The following EPHA4 variants were observed in gnomAD, a reference collection of about 807,000 sequenced individuals.
The protein encoded by EPHA4 is EPH receptor A4, also known as ephrin type-A receptor 4.
In EPHA4, 19 loss-of-function variants were observed where a neutral mutation model predicts 108.3. The ratio of observed to expected loss-of-function variants is 0.18; its 90% CI spans 0.12 to 0.26. The LOEUF (loss-of-function observed/expected upper bound fraction) is 0.26. Among genes scored for constraint, EPHA4 ranks in the 10% least tolerant of loss-of-function variants. The pLI, the probability that EPHA4 is intolerant of heterozygous loss-of-function variation, is 1.00. For missense variants in EPHA4, 917 were observed against 1,254.0 expected (o/e 0.73, Z 4.06); for synonymous variants, 449 against 455.5 (o/e 0.99, Z 0.18).
At chr2:221,504,118 C>A (rs578139258) in intron 3 of EPHA4, among the ~76,000 whole-genome samples, 1 of 152,318 alleles carries the variant, frequency 6.6e-6, no homozygotes, top group East Asian at 1.9e-4. Context: ...AACTGCTATG[C>A]TGTATTTTTG....
At chr2:221,573,829 G>C (rs1483127012), upstream of EPHA4, 1 of 152,268 alleles carries the variant, frequency 6.6e-6, no homozygotes, top group Non-Finnish European at 1.5e-5. This position sits in a 1 kb window ranked among gnomAD's most constrained non-coding sequence, Gnocchi z 4.5. Flanking sequence ...GCCAAGTCTC[G>C]TGCACTAGGG....
In EPHA4 at chr2:221,456,602, G is replaced by A; in HGVS notation, c.1603+11C>T. Reference sequence around the variant, plus strand: ...CCTCAGAAGTGACTGAGTCTGGGTGGTCCTTGTTACCTGTGTTGGTTGTAA... The same window carrying A: ...CCTCAGAAGTGACTGAGTCTGGGTGATCCTTGTTACCTGTGTTGGTTGTAA... On this transcript the variant is annotated intron_variant, in intron 7 of 17. Transcript: ENST00000281821. 6.2e-7 allele frequency: 1 copy of A among 1,613,278 alleles called. No homozygotes were observed. The highest frequency in any genetic ancestry group is 1.1e-5 in the South Asian group (1 of 91,008).
chr2:221,510,091 G>A (rs1692780858), intron 3 of EPHA4, among the ~76,000 whole-genome samples: 1 of 152,120 alleles, frequency 6.6e-6, no homozygotes, highest in South Asian at 2.1e-4. Context: ...CTGCAAGAGG[G>A]GAAGATGGAA....
chr2:221,550,677 G>GAGTGGC (rs1694133117), intron 3 of EPHA4, among the ~76,000 whole-genome samples: 1 of 152,158 alleles, frequency 6.6e-6, no homozygotes, highest in Non-Finnish European at 1.5e-5. Flanking sequence ...GTCACATAGT[G>GAGTGGC]AGTGGCAGAG....
chr2:221,559,180 T>C (rs866400950), intron 3 of EPHA4, among the ~76,000 whole-genome samples: 10 of 152,366 alleles, frequency 6.6e-5, no homozygotes, highest in Non-Finnish European at 1.0e-4. Flanking sequence ...ATTTTAATAC[T>C]GATGACCTCA....
In EPHA4 at chr2:221,572,258, G is replaced by A. The variant is rs1431538951; in HGVS notation, c.-10C>T. Reference sequence around the variant, plus strand: ...AGAAAATCCCAGCCATGGTTCGCCGGTGCCAACGCTGCTCCTGCCGCTTCT... The same window carrying A: ...AGAAAATCCCAGCCATGGTTCGCCGATGCCAACGCTGCTCCTGCCGCTTCT... On this transcript the variant is annotated 5_prime_UTR_variant, in exon 1 of 18. Transcript: ENST00000281821. 4 of 1,611,446 alleles carry A rather than the reference G, an allele frequency of 2.5e-6. No individual in the cohort carries two copies. The South Asian group carries it at 3.3e-5, about 13-fold the overall frequency.
chr2:221,491,881 T>C (rs993430137), intron 4 of EPHA4, among the ~76,000 whole-genome samples: 3 of 152,070 alleles, frequency 2.0e-5, no homozygotes, highest in African/African-American at 7.2e-5. Context: ...CTGAGTGTGG[T>C]GGCTCGTTTC....
Position 221,424,763 on chromosome 2 carries a change from C to T in EPHA4, c.*819+446G>A, listed in dbSNP as rs571761707. Among the ~76,000 whole-genome samples, 3 of 152,298 alleles carry T rather than the reference C, an allele frequency of 2.0e-5. No individual in the cohort carries two copies. The South Asian group carries it at 6.2e-4, about 32-fold the overall frequency. ...AAATGAGGCTAATGGAAAAGTCTCG[C>T]CAGTACTTCTCCATTGAGGTAAACT... On this transcript the variant is annotated intron_variant, in intron 17 of 17. Coordinates refer to ENST00000281821, the MANE Select transcript of EPHA4 (RefSeq NM_004438.5).
At position 221,443,557 on chromosome 2, in the gene EPHA4, T is replaced by G; in HGVS notation, c.1824A>C (p.Ala608=). 5.6e-6 allele frequency: 9 copies of G among 1,614,032 alleles called. No homozygotes were observed. Among genetic ancestry groups the G allele is most frequent in the Non-Finnish European group, 7.6e-6 (9 of 1,179,970 alleles). ...CAATTTCTTTGGCAAACTCTCGCAC[T>G]GCTTGGTTGGGATCTTCGTACGTAA... ...DPFTYEDPNQ[A]VREFAKEIDA... is the part of the protein sequence containing the mutation. The change falls in exon 10 of 18, where the codon GCA becomes GCC. Residue 608 remains alanine (A), a synonymous_variant. Coordinates refer to ENST00000281821, the MANE Select transcript of EPHA4 (RefSeq NM_004438.5).
intron 11 of EPHA4, among the ~76,000 whole-genome samples, chr2:221,440,164 G>A (rs1009811606): frequency 6.6e-6 from 1 of 152,176 alleles, no homozygotes; most frequent in South Asian, 2.1e-4. Context: ...GAGGAAAGGG[G>A]TGGGGGAAGG....
At chr2:221,522,698 C>G (rs1310654209) in intron 3 of EPHA4, among the ~76,000 whole-genome samples, 3 of 152,012 alleles carry the variant, frequency 2.0e-5, no homozygotes, top group Non-Finnish European at 4.4e-5. Context: ...TCAAAAGCAA[C>G]TTGCCATAAA....
At position 221,481,182 on chromosome 2, in the gene EPHA4, A is replaced by G. The variant is rs79008366; in HGVS notation, c.1318+1170T>C. 1.1e-3 allele frequency among the ~76,000 whole-genome samples: 160 copies of G among 152,292 alleles called. No homozygotes were observed. The East Asian group carries it at 0.03, about 28-fold the overall frequency. ...CAGAAGCGAAAGCCTAGAAACCTAG[A>G]TTTTCAAAATATTTGATATTCAAGA... On this transcript the variant is annotated intron_variant, in intron 5 of 17. Coordinates refer to ENST00000281821, the MANE Select transcript of EPHA4 (RefSeq NM_004438.5).
chr2:221,474,394 A>G (rs1467268972), intron 5 of EPHA4, among the ~76,000 whole-genome samples: 1 of 150,522 alleles, frequency 6.6e-6, no homozygotes, highest in Non-Finnish European at 1.5e-5. Context: ...TCTTCTCAGT[A>G]TAAGGTTAGA....
At chr2:221,434,909 A>G (rs74354869) in intron 13 of EPHA4, among the ~76,000 whole-genome samples, 2 of 148,608 alleles carry the variant, frequency 1.3e-5, no homozygotes, top group African/African-American at 4.9e-5. Flanking sequence ...TAAAAAAAAA[A>G]GACTTGTAAA....
At chr2:221,560,685 C>T (rs1355307222) in intron 3 of EPHA4, among the ~76,000 whole-genome samples, 1 of 152,192 alleles carries the variant, frequency 6.6e-6, no homozygotes, top group East Asian at 1.9e-4. Flanking sequence ...ACCAATCTTA[C>T]AACCCCAAGT....
chr2:221,520,822 T>C (rs764336694), intron 3 of EPHA4, among the ~76,000 whole-genome samples: 28 of 152,294 alleles, frequency 1.8e-4, no homozygotes, highest in Admixed American at 1.4e-3. Context: ...TAAGGTAACA[T>C]CGTAAGAGTT....
In EPHA4 at chr2:221,434,689, C is replaced by T. The variant is rs138847817; in HGVS notation, c.2347-398G>A. Among the ~76,000 whole-genome samples, 293 of 152,286 alleles carry T rather than the reference C, an allele frequency of 1.9e-3. 1 individual carries two copies. Among genetic ancestry groups the T allele is most frequent in the African/African-American group, 6.5e-3 (272 of 41,558 alleles). On this transcript the variant is annotated intron_variant, in intron 13 of 17. Coordinates refer to ENST00000281821, the MANE Select transcript of EPHA4 (RefSeq NM_004438.5). ...AGCACAAAGGAAGGCAATGCTTACACTGCTTCAAAAATCATGAATGAAGGA... is the reference window on the plus strand; with the variant it reads ...AGCACAAAGGAAGGCAATGCTTACATTGCTTCAAAAATCATGAATGAAGGA...
At chr2:221,530,410 AC>A (rs1167949620) in intron 3 of EPHA4, among the ~76,000 whole-genome samples, 1 of 152,214 alleles carries the variant, frequency 6.6e-6, no homozygotes, top group Non-Finnish European at 1.5e-5. Context: ...GATGGCAGTT[AC>A]CATTCTCTAA....
chr2:221,448,894 G>C (rs551197674), intron 8 of EPHA4, among the ~76,000 whole-genome samples: 83 of 152,196 alleles, frequency 5.5e-4, no homozygotes, highest in South Asian at 1.0e-3. Context: ...AAGCTGCCCG[G>C]GAAAGCGTTT....
Sources: gnomAD v4.1 joint callset for allele counts (sites outside exome capture counted in the v4.1 genomes callset) on GRCh38, gnomAD v4.1.1 for gene constraint, Gnocchi (gnomAD v3.1) non-coding constraint, MANE v1.5 for transcripts, NCBI Gene and HGNC (gene_info 2026-07-23, HGNC 2026-07-21) for gene names.